RUBCN: variants seen among roughly 807,000 people sequenced by gnomAD.
RUBCN encodes run domain Beclin-1-interacting and cysteine-rich domain-containing protein.
RUBCN carries 74 observed loss-of-function variants against 113.2 expected under a neutral mutation model. That is an observed-to-expected ratio of 0.65 (90% CI 0.54 to 0.79). The LOEUF (loss-of-function observed/expected upper bound fraction) is 0.79, where lower values mean the gene tolerates loss of function less well. RUBCN is among the 30% of genes least tolerant of loss of function. The pLI is 0.00. For synonymous variants in RUBCN, 480 were observed against 490.0 expected, an observed-to-expected ratio of 0.98 and a Z score of 0.27; for missense variants, 1,109 against 1,251.7, an observed-to-expected ratio of 0.89 and a Z score of 1.72.
At chr3:197,705,567 A>G (rs902434231) in intron 2 of RUBCN, among the ~76,000 whole-genome samples, 4 of 119,166 alleles carry the variant, frequency 3.4e-5, no homozygotes, top group South Asian at 2.5e-4. Flanking sequence ...CCTAACTCAG[A>G]AAAAAAAAAA....
In RUBCN at chr3:197,678,706, TCTAA is replaced by T. The variant is rs555346851; in HGVS notation, c.2431-1169_2431-1166del. Among the ~76,000 whole-genome samples, 674 of 146,610 alleles carry T rather than the reference TCTAA, an allele frequency of 4.6e-3. 7 individuals carry two copies. The highest frequency in any genetic ancestry group is 0.016 in the African/African-American group (610 of 38,732). ...CAACTGGCTCCAGACTGTCGTATGC[TCTAA>T]CTGACAACTGGCTTCAGACTGTCCT... On this transcript the variant is annotated intron_variant, in intron 16 of 19. Coordinates refer to ENST00000296343, the MANE Select transcript of RUBCN (RefSeq NM_014687.4).
At chr3:197,717,146 G>A (rs952811133) in intron 2 of RUBCN, among the ~76,000 whole-genome samples, 6 of 146,274 alleles carry the variant, frequency 4.1e-5, no homozygotes, top group Non-Finnish European at 7.5e-5. Flanking sequence ...AAACAAAGGG[G>A]GCAGAGAGCT....
intron 1 of RUBCN, among the ~76,000 whole-genome samples, chr3:197,733,649 T>TA (rs1309125972): frequency 6.6e-6 from 1 of 152,180 alleles, no homozygotes; most frequent in Non-Finnish European, 1.5e-5. Flanking sequence ...TATCTGGAGC[T>TA]AAGGAGGCCA....
At chr3:197,705,788 G>A (rs1372014270) in intron 2 of RUBCN, among the ~76,000 whole-genome samples, 1 of 151,992 alleles carries the variant, frequency 6.6e-6, no homozygotes, top group Non-Finnish European at 1.5e-5. Context: ...GAGTGCAGTG[G>A]CGTGATCCAG....
rs1722776736 is a variant in RUBCN at position 197,694,430 on chromosome 3, G to A, written c.1629C>T (p.Arg543=). ...GCAGGTTCTTGGTGCGGATTTGCTG[G>A]CGCCGAAGGCGGATCTTCTGCTTCA... The part of the protein sequence containing the change: ...QELKQKIRLR[R]QQIRTKNLLP... Residue 543 remains arginine (R), a synonymous_variant, in exon 10 of 20, where the codon CGC becomes CGT. Coordinates refer to ENST00000296343, the MANE Select transcript of RUBCN (RefSeq NM_014687.4). 1.9e-6 allele frequency: 3 copies of A among 1,614,070 alleles called. No individual in the cohort carries two copies. The African/African-American group carries it at 4.0e-5, about 22-fold the overall frequency.
intron 1 of RUBCN, among the ~76,000 whole-genome samples, chr3:197,730,859 CTTT>C (rs1021974844): frequency 5.1e-5 from 3 of 58,934 alleles, no homozygotes; most frequent in Non-Finnish European, 7.0e-5. Flanking sequence ...ATTAAAATAT[CTTT>C]TTTTTTCATA....
At chr3:197,700,317 C>T in intron 7 of RUBCN, 1 of 522,746 alleles carries the variant, frequency 1.9e-6, no homozygotes, top group Non-Finnish European at 3.3e-6. Flanking sequence ...TTCCCCAATC[C>T]AAGAGATACT....
chr3:197,748,834 G>C (rs1014439278), intron 1 of RUBCN, among the ~76,000 whole-genome samples: 1 of 152,230 alleles, frequency 6.6e-6, no homozygotes, highest in Non-Finnish European at 1.5e-5. Flanking sequence ...TGGTGTTGAA[G>C]TTGGAAGCCA....
chr3:197,676,824 C>T (rs940266244), intron 18 of RUBCN, 61 bp downstream of exon 18: 16 of 1,612,436 alleles, frequency 9.9e-6, no homozygotes, highest in South Asian at 2.2e-5. Context: ...CCAGGTCCAC[C>T]CCCCTCCCTG....
chr3:197,700,393 A>C, intron 7 of RUBCN: 1 of 593,054 alleles, frequency 1.7e-6, no homozygotes, highest in Non-Finnish European at 3.0e-6. Context: ...AATCCAGGAA[A>C]ACATTTAATA....
chr3:197,736,960 G>C (rs992055751), upstream of RUBCN: 7 of 1,288,560 alleles, frequency 5.4e-6, no homozygotes, highest in Non-Finnish European at 5.9e-6. Flanking sequence ...AGGCTAGGCC[G>C]CTCCCGCAGG....
At chr3:197,705,801 C>G (rs1235716283) in intron 2 of RUBCN, among the ~76,000 whole-genome samples, 2 of 152,072 alleles carry the variant, frequency 1.3e-5, no homozygotes, top group Non-Finnish European at 2.9e-5. Flanking sequence ...TGATCCAGCT[C>G]ACTGCAACCT....
chr3:197,728,923 G>GGTGA (rs1727070255), intron 1 of RUBCN, among the ~76,000 whole-genome samples: 1 of 152,072 alleles, frequency 6.6e-6, no homozygotes, highest in Non-Finnish European at 1.5e-5. Flanking sequence ...TGTGAGAGTG[G>GGTGA]GTGAGTGTGC....
At chr3:197,686,955 A>C (rs898129718) in intron 11 of RUBCN, among the ~76,000 whole-genome samples, 4 of 152,242 alleles carry the variant, frequency 2.6e-5, no homozygotes, top group African/African-American at 9.6e-5. Context: ...AACAACAAAA[A>C]CAATGACAAG....
At position 197,736,884 on chromosome 3, in the gene RUBCN, T is replaced by A; in HGVS notation, c.-165A>T. On this transcript the variant is annotated 5_prime_UTR_variant, in exon 1 of 20. Coordinates refer to ENST00000296343, the MANE Select transcript of RUBCN (RefSeq NM_014687.4). The stretch of plus-strand genomic sequence containing the variant: ...CAGCGGGAGGGACCGCCGCCTGGGC[T>A]GCGGCTTCTATCCCGGCCACCCCCA... 1 of 1,371,952 alleles carries A rather than the reference T, an allele frequency of 7.3e-7. No individual in the cohort carries two copies. Among genetic ancestry groups the A allele is most frequent in the Non-Finnish European group, 9.3e-7 (1 of 1,069,956 alleles). 85.0% of individuals were successfully genotyped at this position (1,371,952 alleles called of 1,614,324 possible).
At chr3:197,677,164 TC>T in intron 17 of RUBCN, 126 bp from the exon 18 acceptor site, 1 of 1,052,358 alleles carries the variant, frequency 9.5e-7, no homozygotes, top group Non-Finnish European at 1.4e-6. Context: ...AGCCCAAGGT[TC>T]CAGGCCGCCG....
intron 1 of RUBCN, among the ~76,000 whole-genome samples, chr3:197,734,256 CAAA>C (rs1263970915): frequency 1.0e-5 from 1 of 95,680 alleles, no homozygotes. Context: ...GACTCTATCT[CAAA>C]AAAAAAAAAA....
chr3:197,725,467 G>A (rs1726626469), intron 1 of RUBCN, among the ~76,000 whole-genome samples: 1 of 151,014 alleles, frequency 6.6e-6, no homozygotes, highest in Non-Finnish European at 1.5e-5. Flanking sequence ...TGGGGCACCT[G>A]GGAGAATGTA....
chr3:197,711,167 T>C (rs1231222804), intron 2 of RUBCN, among the ~76,000 whole-genome samples: 1 of 152,228 alleles, frequency 6.6e-6, no homozygotes, highest in Non-Finnish European at 1.5e-5. Context: ...GAGAGTAATT[T>C]AGCAATAGCT....
Sources: gnomAD v4.1 joint callset for allele counts (sites outside exome capture counted in the v4.1 genomes callset) on GRCh38, gnomAD v4.1.1 for gene constraint, MANE v1.5 for transcripts, NCBI Gene and HGNC (gene_info 2026-07-23, HGNC 2026-07-21) for gene names.